GRM7: variants seen among roughly 807,000 people sequenced by gnomAD.
GRM7 encodes the protein glutamate metabotropic receptor 7.
In GRM7, 35 loss-of-function variants were observed where a neutral mutation model predicts 84.5. That is an observed-to-expected ratio of 0.41 (90% CI 0.32 to 0.55). The LOEUF (loss-of-function observed/expected upper bound fraction) is 0.55. Among genes scored for constraint, GRM7 ranks in the 20% least tolerant of loss-of-function variants. The pLI is 0.19. For missense variants in GRM7, 1,003 were observed against 1,194.6 expected, an observed-to-expected ratio of 0.84 and a Z score of 2.36; for synonymous variants, 487 against 455.1, an observed-to-expected ratio of 1.07 and a Z score of -0.89.
chr3:7,304,352 CTT>C (rs147256322), intron 3 of GRM7, among the ~76,000 whole-genome samples: 33 of 115,854 alleles, frequency 2.8e-4, no homozygotes, highest in Non-Finnish European at 3.5e-4. Flanking sequence ...AATATCATTT[CTT>C]TTTTTTTTTT....
chr3:7,640,432 A>C (rs1019476968), intron 8 of GRM7, among the ~76,000 whole-genome samples: 2 of 152,226 alleles, frequency 1.3e-5, no homozygotes, highest in African/African-American at 4.8e-5. Context: ...ACATGCCCAC[A>C]TGCCTGGAAT....
chr3:7,506,048 C>T (rs1700030564), intron 7 of GRM7, among the ~76,000 whole-genome samples: 1 of 152,110 alleles, frequency 6.6e-6, no homozygotes, highest in Non-Finnish European at 1.5e-5. Flanking sequence ...CTATATTTTA[C>T]TGTAAGTGGT....
chr3:7,062,203 A>G (rs74972263), intron 1 of GRM7, among the ~76,000 whole-genome samples: 4,576 of 151,886 alleles, frequency 0.03, 174 homozygotes, highest in African/African-American at 0.092. Context: ...TTGGAATACA[A>G]GGATCATAGG....
At chr3:7,657,240 A>G (rs532457499) in intron 8 of GRM7, among the ~76,000 whole-genome samples, 1 of 152,336 alleles carries the variant, frequency 6.6e-6, no homozygotes, top group South Asian at 2.1e-4. Flanking sequence ...AGTGAGAAAA[A>G]AATGTTAAGT....
At chr3:7,404,034 C>T (rs1451571652) in intron 4 of GRM7, among the ~76,000 whole-genome samples, 1 of 152,026 alleles carries the variant, frequency 6.6e-6, no homozygotes, top group Non-Finnish European at 1.5e-5. Flanking sequence ...GATGCTCAGG[C>T]CCAACAGTAG....
At chr3:7,068,476 T>A (rs1443870011) in intron 1 of GRM7, among the ~76,000 whole-genome samples, 1 of 152,052 alleles carries the variant, frequency 6.6e-6, no homozygotes, top group East Asian at 1.9e-4. Flanking sequence ...CTGTCTGCAA[T>A]ACCCATGTAT....
chr3:7,631,311 T>C (rs1451537718), intron 8 of GRM7, among the ~76,000 whole-genome samples: 1 of 152,098 alleles, frequency 6.6e-6, no homozygotes, highest in Non-Finnish European at 1.5e-5. Context: ...GTGCCTCGGG[T>C]AGAAGTAGCC....
intron 8 of GRM7, among the ~76,000 whole-genome samples, chr3:7,583,328 G>T (rs994736035): frequency 1.3e-5 from 2 of 152,130 alleles, no homozygotes; most frequent in African/African-American, 4.8e-5. Flanking sequence ...CTCAGAATCT[G>T]AACACAAAGT....
At chr3:7,236,467 G>A (rs545299744) in intron 2 of GRM7, among the ~76,000 whole-genome samples, 79 of 152,268 alleles carry the variant, frequency 5.2e-4, no homozygotes, top group African/African-American at 1.8e-3. Flanking sequence ...TGACTTGACA[G>A]CTCCTTCCAT....
intron 1 of GRM7, among the ~76,000 whole-genome samples, chr3:6,927,939 ACTT>A (rs1366522201): frequency 2.3e-4 from 35 of 152,298 alleles, no homozygotes; most frequent in Admixed American, 1.7e-3. Context: ...GATTTCTGTT[ACTT>A]CTTCTGGTTT....
intron 4 of GRM7, among the ~76,000 whole-genome samples, chr3:7,411,003 T>C (rs1204941005): frequency 6.6e-6 from 1 of 152,158 alleles, no homozygotes; most frequent in Non-Finnish European, 1.5e-5. Context: ...TTCCTGTTTC[T>C]TCCAGGTTCT....
intron 8 of GRM7, among the ~76,000 whole-genome samples, chr3:7,662,566 T>C (rs888830005): frequency 6.6e-6 from 1 of 152,228 alleles, no homozygotes; most frequent in African/African-American, 2.4e-5. Context: ...TGTTAGATGA[T>C]AGAAATTACT....
intron 7 of GRM7, among the ~76,000 whole-genome samples, chr3:7,569,864 G>A (rs1409127257): frequency 6.6e-6 from 1 of 152,038 alleles, no homozygotes; most frequent in Admixed American, 6.6e-5. Context: ...AATATCAGAA[G>A]GAACAAACTC....
At chr3:7,447,995 C>T (rs1249293031) in intron 5 of GRM7, among the ~76,000 whole-genome samples, 16 of 145,746 alleles carry the variant, frequency 1.1e-4, no homozygotes, top group Non-Finnish European at 1.8e-4. Context: ...TGAGAACATG[C>T]GGTGTTTGGT....
intron 4 of GRM7, among the ~76,000 whole-genome samples, chr3:7,368,522 C>T (rs1229248739): frequency 6.6e-6 from 1 of 151,944 alleles, no homozygotes; most frequent in African/African-American, 2.4e-5. Context: ...GTAATTCATG[C>T]CTTGGGATTG....
At chr3:7,355,289 G>T (rs1369020262) in intron 4 of GRM7, among the ~76,000 whole-genome samples, 1 of 152,050 alleles carries the variant, frequency 6.6e-6, no homozygotes, top group East Asian at 1.9e-4. Context: ...TTCTTTGAGG[G>T]TGTTACTTAA....
intron 2 of GRM7, among the ~76,000 whole-genome samples, chr3:7,168,891 C>T (rs913592183): frequency 6.6e-6 from 1 of 152,128 alleles, no homozygotes; most frequent in African/African-American, 2.4e-5. Flanking sequence ...TTAATCACCT[C>T]TACATTACTC....
intron 7 of GRM7, among the ~76,000 whole-genome samples, chr3:7,478,664 G>A (rs540280712): frequency 7.9e-5 from 12 of 152,256 alleles, no homozygotes; most frequent in African/African-American, 2.9e-4. Context: ...CAGGCCATGG[G>A]CATCCCAGGG....
At chr3:6,956,204 C>A (rs546470489) in intron 1 of GRM7, among the ~76,000 whole-genome samples, 2 of 152,214 alleles carry the variant, frequency 1.3e-5, no homozygotes, top group East Asian at 3.9e-4. Context: ...TGAGTTTTGC[C>A]GTATGGGCCA....
Sources: allele counts gnomAD v4.1 joint callset (sites outside exome capture counted in the v4.1 genomes callset), GRCh38; gene constraint gnomAD v4.1.1; transcripts MANE v1.5; gene names NCBI Gene and HGNC (gene_info 2026-07-23, HGNC 2026-07-21).